NFU1: variants seen among roughly 807,000 people sequenced by gnomAD.
The protein encoded by NFU1 is NFU1 iron-sulfur cluster scaffold homolog, mitochondrial.
In NFU1, 30 loss-of-function variants were observed where a neutral mutation model predicts 32.2. That is an observed-to-expected ratio of 0.93 (90% CI 0.70 to 1.26). NFU1 has a LOEUF of 1.26. NFU1 is among the 50% of genes most tolerant of loss of function. The pLI, the probability that NFU1 is intolerant of heterozygous loss-of-function variation, is 0.00. For missense variants in NFU1, 306 were observed against 306.6 expected, an observed-to-expected ratio of 1.00 and a Z score of 0.02; for synonymous variants, 112 against 104.6, an observed-to-expected ratio of 1.07 and a Z score of -0.43.
At chr2:69,425,520 AATTTTTGT>A (rs1673424227) in intron 2 of NFU1, among the ~76,000 whole-genome samples, 1 of 150,320 alleles carries the variant, frequency 6.7e-6, no homozygotes, top group Non-Finnish European at 1.5e-5. Flanking sequence ...ATGCCCGGCT[AATTTTTGT>A]ATTTTTAGTA....
chr2:69,409,684 G>C (rs1672814627), intron 5 of NFU1, among the ~76,000 whole-genome samples: 1 of 152,180 alleles, frequency 6.6e-6, no homozygotes, highest in African/African-American at 2.4e-5. Flanking sequence ...AGATCACATG[G>C]TGAGACAGGA....
At position 69,409,347 on chromosome 2, in the gene NFU1, A is replaced by G. The variant is rs374612133; in HGVS notation, c.485-3265T>C. ...TATGTTTCTATGTTGGTATCTCCCAATCTAGTTCATTCCTTTTAACTGCTG... is the reference window on the plus strand; with the variant it reads ...TATGTTTCTATGTTGGTATCTCCCAGTCTAGTTCATTCCTTTTAACTGCTG... On this transcript the variant is annotated intron_variant, in intron 5 of 7. Transcript: ENST00000410022. Among the ~76,000 whole-genome samples, 12 of 152,154 alleles carry G rather than the reference A, an allele frequency of 7.9e-5. No homozygotes were observed. The South Asian group carries it at 1.2e-3, about 16-fold the overall frequency.
At chr2:69,404,799 T>C (rs1672644928) in intron 6 of NFU1, among the ~76,000 whole-genome samples, 1 of 151,116 alleles carries the variant, frequency 6.6e-6, no homozygotes, top group Non-Finnish European at 1.5e-5. Flanking sequence ...TTTGTATTCT[T>C]AGTAGAGATG....
At chr2:69,437,446 C>T (rs771422275), upstream of NFU1, 7 of 1,608,184 alleles carry the variant, frequency 4.4e-6, no homozygotes, top group Admixed American at 6.7e-5. Flanking sequence ...GCCTAAGGGT[C>T]TCCCTGACAG....
intron 5 of NFU1, among the ~76,000 whole-genome samples, chr2:69,414,266 A>C (rs1672981128): frequency 6.6e-6 from 1 of 152,144 alleles, no homozygotes; most frequent in Non-Finnish European, 1.5e-5. Context: ...ATGTTTTTTG[A>C]AATGGATATG....
chr2:69,399,509 T>C (rs1174896522), intron 7 of NFU1: 3 of 342,956 alleles, frequency 8.7e-6, no homozygotes, highest in Non-Finnish European at 1.7e-5. Context: ...TAAGAATACA[T>C]AGATTAGGCC....
intron 4 of NFU1, among the ~76,000 whole-genome samples, chr2:69,418,171 G>C (rs1231213459): frequency 6.6e-6 from 1 of 152,132 alleles, no homozygotes; most frequent in Non-Finnish European, 1.5e-5. Flanking sequence ...AGGCCGAGGT[G>C]AGCAGATTGT....
Position 69,431,978 on chromosome 2 carries a change from GTATGGATTCTTCAACA to G in NFU1, c.74_89del (p.Met25ThrfsTer27). ...GATGCAGAGGCTGTTTCTTAATGGTGTATGGATTCTTCAACATATGACAGAACCTGCATTTAAAAGC... is the reference window on the plus strand; with the variant it reads ...GATGCAGAGGCTGTTTCTTAATGGTGTATGACAGAACCTGCATTTAAAAGC... On this transcript the variant is annotated frameshift_variant, in exon 2 of 8. Transcript: ENST00000410022. LOFTEE classifies it high-confidence loss of function. 1 of 1,612,750 alleles carries G rather than the reference GTATGGATTCTTCAACA, an allele frequency of 6.2e-7. No homozygotes were observed. Among genetic ancestry groups the G allele is most frequent in the Non-Finnish European group, 8.5e-7 (1 of 1,178,856 alleles).
chr2:69,404,982 C>A (rs577299804), intron 6 of NFU1, among the ~76,000 whole-genome samples: 310 of 151,900 alleles, frequency 2.0e-3, no homozygotes, highest in Non-Finnish European at 3.3e-3. Flanking sequence ...GGCGCAGTGG[C>A]TCATGTCTGT....
chr2:69,406,886 G>A (rs776661850), intron 5 of NFU1, among the ~76,000 whole-genome samples: 3 of 152,096 alleles, frequency 2.0e-5, no homozygotes, highest in Non-Finnish European at 2.9e-5. Flanking sequence ...AATCATGGGG[G>A]TAGTTACCCT....
chr2:69,427,341 C>T (rs935745969), intron 2 of NFU1, among the ~76,000 whole-genome samples: 4 of 147,636 alleles, frequency 2.7e-5, no homozygotes, highest in African/African-American at 1.0e-4. Flanking sequence ...ACTGGGATCG[C>T]ACCATTGCAC....
rs147480004 is a variant in NFU1, at chr2:69,434,149, CTT to C, written c.63-2146_63-2145del. Among the ~76,000 whole-genome samples, 26 of 142,516 alleles carry C rather than the reference CTT, an allele frequency of 1.8e-4. No homozygotes were observed. The South Asian group carries it at 5.2e-3, about 29-fold the overall frequency. The allele number at this position is 142,516 out of a possible 152,430, so 93.5% of individuals were successfully genotyped here. ...GTAACTTCACTTCACTTTTTTTTTT[CTT>C]TTTTTTTTTGTGAGACGGAGTCTTG... On this transcript the variant is annotated intron_variant, in intron 1 of 7. Coordinates refer to ENST00000410022, the MANE Select transcript of NFU1 (RefSeq NM_001002755.4).
At chr2:69,409,328 T>C (rs183760742) in intron 5 of NFU1, among the ~76,000 whole-genome samples, 1 of 152,348 alleles carries the variant, frequency 6.6e-6, no homozygotes, top group Admixed American at 6.5e-5. Flanking sequence ...TTTTTATGTT[T>C]CTATGTTGGT....
At chr2:69,422,614 AT>A (rs36024051) in intron 3 of NFU1, among the ~76,000 whole-genome samples, 101,298 of 151,978 alleles carry the variant, frequency 0.67, 34,987 homozygotes, top group African/African-American at 0.86. Flanking sequence ...TTTGATGAAT[AT>A]TTTTTCTTAA....
At chr2:69,436,638 G>A (rs954903636) in intron 1 of NFU1, among the ~76,000 whole-genome samples, 6 of 152,158 alleles carry the variant, frequency 3.9e-5, no homozygotes, top group Non-Finnish European at 8.8e-5. Flanking sequence ...AACTTCAAGA[G>A]CACCATTAAC....
chr2:69,422,065 C>T (rs1028237551), intron 3 of NFU1, among the ~76,000 whole-genome samples: 1 of 151,928 alleles, frequency 6.6e-6, no homozygotes, highest in African/African-American at 2.4e-5. Flanking sequence ...TAAAATAGAA[C>T]AATTATAACA....
intron 6 of NFU1, among the ~76,000 whole-genome samples, chr2:69,402,421 A>AG (rs1672553082): frequency 1.3e-5 from 2 of 151,878 alleles, no homozygotes; most frequent in African/African-American, 4.8e-5. Flanking sequence ...AAAACTCCTA[A>AG]GCTCAAGGGA....
chr2:69,397,205 A>G (rs1418808566), intron 7 of NFU1, among the ~76,000 whole-genome samples: 1 of 152,200 alleles, frequency 6.6e-6, no homozygotes, highest in East Asian at 1.9e-4. Flanking sequence ...TATTTTAAAA[A>G]CATTTATTTT....
intron 4 of NFU1, among the ~76,000 whole-genome samples, chr2:69,419,280 T>C (rs1202333415): frequency 1.3e-5 from 2 of 151,634 alleles, no homozygotes; most frequent in Non-Finnish European, 2.9e-5. Context: ...TGAGCCAAGA[T>C]CGCACCATCA....
Sources: allele counts gnomAD v4.1 joint callset (sites outside exome capture counted in the v4.1 genomes callset), GRCh38; gene constraint gnomAD v4.1.1; transcripts MANE v1.5; gene names NCBI Gene and HGNC (gene_info 2026-07-23, HGNC 2026-07-21).